Variants in TNRC18 observed in about 807,000 individuals in gnomAD.
TNRC18 encodes trinucleotide repeat containing 18.
A neutral mutation model predicts 226.7 loss-of-function variants in TNRC18; 69 were observed. That is an observed-to-expected ratio of 0.30 (90% confidence interval 0.25 to 0.37). The LOEUF is 0.37. Among genes scored for constraint, TNRC18 ranks in the 10% least tolerant of loss-of-function variants. TNRC18 has a pLI of 1.00. For missense variants in TNRC18, 4,754 were observed against 4,256.6 expected (o/e 1.12, Z -3.25); for synonymous variants, 2,449 against 1,927.6 (o/e 1.27, Z -7.09).
At position 5,361,592 on chromosome 7, in the gene TNRC18, A is replaced by T. The variant is rs1428653142; in HGVS notation, c.4661+2T>A. ...CCCGACCCACCGAGGGGCCAGCCTT[A>T]CTTTCCGCTACTGTGGCCGCTCTTC... On this transcript the variant is annotated splice_donor_variant, in intron 14 of 29. Coordinates refer to ENST00000430969, the MANE Select transcript of TNRC18 (RefSeq NM_001080495.3). LOFTEE classifies it high-confidence loss of function. 1 of 1,515,482 alleles carries T rather than the reference A, an allele frequency of 6.6e-7. No individual in the cohort carries two copies. 93.9% of individuals were successfully genotyped at this position (1,515,482 alleles called of 1,614,324 possible).
intron 2 of TNRC18, chr7:5,420,175 G>T (rs1449610163): frequency 3.0e-6 from 1 of 329,048 alleles, no homozygotes; most frequent in Admixed American, 4.4e-5. Context: ...CGCAGCGCCC[G>T]CCCGGGTACC....
chr7:5,367,066 T>A lies in TNRC18; in HGVS notation c.4219+3309A>T, dbSNP rs4266555. On this transcript the variant is annotated intron_variant, in intron 11 of 29. Transcript: ENST00000430969. ...TCATTCCGTAAGGCTGGTGTCCTAATAGGGTGGAGAATTCTGGGCTGGGTG... is the reference window on the plus strand; with the variant it reads ...TCATTCCGTAAGGCTGGTGTCCTAAAAGGGTGGAGAATTCTGGGCTGGGTG... 3.3e-5 allele frequency among the ~76,000 whole-genome samples: 5 copies of A among 151,916 alleles called. No individual in the cohort carries two copies. The South Asian group carries it at 6.2e-4, about 19-fold the overall frequency.
chr7:5,311,469 G>A (rs926937049), intron 27 of TNRC18, among the ~76,000 whole-genome samples: 5 of 152,210 alleles, frequency 3.3e-5, no homozygotes, highest in African/African-American at 1.2e-4. Flanking sequence ...ACCTTCTGCT[G>A]GGACTGCCAC....
At chr7:5,358,848 C>T (rs1006361035) in intron 15 of TNRC18, among the ~76,000 whole-genome samples, 3 of 152,058 alleles carry the variant, frequency 2.0e-5, no homozygotes, top group African/African-American at 7.2e-5. Context: ...TACCCCTTTG[C>T]ACTGGACTTT....
chr7:5,395,471 G>A (rs1780609798), intron 2 of TNRC18, among the ~76,000 whole-genome samples: 2 of 152,206 alleles, frequency 1.3e-5, no homozygotes, highest in Admixed American at 1.3e-4. Context: ...CATCGGACAG[G>A]GTGCCTCCCA....
chr7:5,323,640 T>A (rs1371298417), intron 21 of TNRC18, among the ~76,000 whole-genome samples: 1 of 149,162 alleles, frequency 6.7e-6, no homozygotes, highest in Non-Finnish European at 1.5e-5. Context: ...TGATCTTGGC[T>A]CACCGCAACC....
intron 12 of TNRC18, 96 bp from the exon 13 acceptor site, chr7:5,362,129 T>C: frequency 1.4e-6 from 2 of 1,460,712 alleles, no homozygotes; most frequent in South Asian, 1.3e-5. Flanking sequence ...AAGGGGAGAC[T>C]GCACTGGGAG....
intron 5 of TNRC18, among the ~76,000 whole-genome samples, chr7:5,381,980 T>A (rs1226768106): frequency 6.6e-6 from 1 of 151,800 alleles, no homozygotes; most frequent in African/African-American, 2.4e-5. Flanking sequence ...ATAAATTAAT[T>A]AATTAAATAA....
In TNRC18 at chr7:5,315,476, T is replaced by C. The variant is rs1583741021; in HGVS notation, c.6863-328A>G. 2.7e-5 allele frequency among the ~76,000 whole-genome samples: 4 copies of C among 150,632 alleles called. No homozygotes were observed. The South Asian group carries it at 8.4e-4, about 32-fold the overall frequency. On this transcript the variant is annotated intron_variant, in intron 25 of 29. Coordinates refer to ENST00000430969, the MANE Select transcript of TNRC18 (RefSeq NM_001080495.3). ...GTCTCGCTCTGTCGCCAGGATGGAGTGCAGTGGCAGGATCTCAGCTCACTG... is the reference window on the plus strand; with the variant it reads ...GTCTCGCTCTGTCGCCAGGATGGAGCGCAGTGGCAGGATCTCAGCTCACTG...
At chr7:5,382,961 G>C (rs74924956) in intron 5 of TNRC18, among the ~76,000 whole-genome samples, 1 of 152,206 alleles carries the variant, frequency 6.6e-6, no homozygotes, top group Non-Finnish European at 1.5e-5. Flanking sequence ...TCAGTGGTGC[G>C]ATCTCACTGC....
intron 18 of TNRC18, among the ~76,000 whole-genome samples, chr7:5,334,137 G>C (rs531674952): frequency 6.6e-6 from 1 of 152,172 alleles, no homozygotes; most frequent in African/African-American, 2.4e-5. Context: ...CACAGGAGCC[G>C]AAAAGCCAAG....
chr7:5,361,300 G>A (rs1356041169), intron 14 of TNRC18, among the ~76,000 whole-genome samples: 1 of 151,930 alleles, frequency 6.6e-6, no homozygotes, highest in South Asian at 2.1e-4. Context: ...TGGAAAAGAG[G>A]AGGAATTAGG....
At position 5,320,430 on chromosome 7, in the gene TNRC18, G is replaced by C. The variant is rs1399114149; in HGVS notation, c.6637-4C>G. 6.4e-7 allele frequency: 1 copy of C among 1,561,762 alleles called. No individual in the cohort carries two copies. Among genetic ancestry groups the C allele is most frequent in the East Asian group, 2.4e-5 (1 of 41,866 alleles). ...AGGCTGGCCTCACATCGATGATCTAGAAGGGCATGGGATGAGTGCAAGGTG... is the reference window on the plus strand; with the variant it reads ...AGGCTGGCCTCACATCGATGATCTACAAGGGCATGGGATGAGTGCAAGGTG... On this transcript the variant is annotated splice_polypyrimidine_tract_variant and splice_region_variant and intron_variant, in intron 23 of 29. Transcript: ENST00000430969.
rs1240705717 is a variant in TNRC18, at chr7:5,376,939, A to G, written c.2516T>C (p.Leu839Pro). 3 of 1,597,418 alleles carry G rather than the reference A, an allele frequency of 1.9e-6. No individual in the cohort carries two copies. Among genetic ancestry groups the G allele is most frequent in the Non-Finnish European group, 2.6e-6 (3 of 1,172,266 alleles). ...GTAGGCTGACGGGAGGGAGCCCCCC[A>G]GGCCAGGTGGGAACGCAGGGGCCAT... is the stretch of plus-strand genomic sequence containing the variant. Reference protein sequence around the residue: ...QGMAPAFPPGLGGSLPSAYQF... With the variant: ...QGMAPAFPPGPGGSLPSAYQF... The change falls in exon 8 of 30, where the codon CTG becomes CCG. Residue 839 changes from leucine to proline, a missense_variant. Transcript: ENST00000430969.
Position 5,312,359 on chromosome 7 carries a change from C to A in TNRC18, c.8388+144G>T. On this transcript the variant is annotated intron_variant, in intron 27 of 29. Coordinates refer to ENST00000430969, the MANE Select transcript of TNRC18 (RefSeq NM_001080495.3). This position sits in a 1 kb window ranked among gnomAD's most constrained non-coding sequence, Gnocchi z 6.3. ...GAGGACACTCTGAGACTCAGTGTAC[C>A]CATCCATAAAGTGGGACGCCAGCCC... The A allele has an allele frequency of 8.4e-7, 1 of 1,196,630 alleles. No individual in the cohort carries two copies. Among genetic ancestry groups the A allele is most frequent in the Non-Finnish European group, 1.1e-6 (1 of 881,148 alleles). The allele number at this position is 1,196,630 out of a possible 1,614,324, so 74.1% of individuals were successfully genotyped here.
rs529637233 is a variant in TNRC18 at position 5,403,350 on chromosome 7, G to C, written c.188-8755C>G. Among the ~76,000 whole-genome samples, 222 of 152,188 alleles carry C rather than the reference G, an allele frequency of 1.5e-3. 3 individuals are homozygous for C. The highest frequency in any genetic ancestry group is 7.8e-4 in the Non-Finnish European group (53 of 68,002). On this transcript the variant is annotated intron_variant, in intron 2 of 29. Coordinates refer to ENST00000430969, the MANE Select transcript of TNRC18 (RefSeq NM_001080495.3). Reference sequence around the variant, plus strand: ...TAAATTTGTATTTTTAGTAGAGACGGGGTTTCTCCATGTTGGTCAGGCTGG... The same window carrying C: ...TAAATTTGTATTTTTAGTAGAGACGCGGTTTCTCCATGTTGGTCAGGCTGG...
chr7:5,350,250 C>T (rs375884016), intron 17 of TNRC18, among the ~76,000 whole-genome samples: 1 of 152,022 alleles, frequency 6.6e-6, no homozygotes, highest in African/African-American at 2.4e-5. Context: ...CCTCTCTTCT[C>T]GGTCCGGGGT....
intron 4 of TNRC18, chr7:5,389,785 T>A (rs887452736): frequency 1.3e-5 from 2 of 153,854 alleles, no homozygotes; most frequent in Admixed American, 1.3e-4. Context: ...ACGGTTTCGG[T>A]GCAGGGAGCC....
intron 2 of TNRC18, among the ~76,000 whole-genome samples, chr7:5,400,300 T>C (rs898472922): frequency 4.6e-5 from 7 of 152,016 alleles, no homozygotes; most frequent in Non-Finnish European, 1.0e-4. Flanking sequence ...CCAAATGCCA[T>C]TTGTCCTTGC....
Sources: gnomAD v4.1 joint callset for allele counts (sites outside exome capture counted in the v4.1 genomes callset) on GRCh38, gnomAD v4.1.1 for gene constraint, Gnocchi (gnomAD v3.1) non-coding constraint, MANE v1.5 for transcripts, NCBI Gene and HGNC (gene_info 2026-07-23, HGNC 2026-07-21) for gene names.